The following JAK2 variants were observed in gnomAD, a reference collection of about 807,000 sequenced individuals.
The protein encoded by JAK2 is Janus kinase 2.
Under a neutral mutation model 139.3 loss-of-function variants are expected in JAK2, and 86 were observed. The ratio of observed to expected loss-of-function variants is 0.62; its 90% CI spans 0.52 to 0.74. The LOEUF is 0.74. Ranked by LOEUF, JAK2 falls within the 30% of genes least tolerant of loss-of-function variation. JAK2 has a pLI of 0.00. For synonymous variants in JAK2, 490 were observed against 437.7 expected (o/e 1.12, Z -1.49); for missense variants, 1,421 against 1,360.3 (o/e 1.04, Z -0.70).
intron 3 of JAK2, among the ~76,000 whole-genome samples, chr9:5,022,892 G>A (rs1822523586): frequency 6.6e-6 from 1 of 152,110 alleles, no homozygotes; most frequent in Non-Finnish European, 1.5e-5. Flanking sequence ...GATTTTATTT[G>A]TAGAGGCAAA....
chr9:5,112,786 G>A (rs908579133), intron 22 of JAK2: 27 of 583,164 alleles, frequency 4.6e-5, no homozygotes, highest in Non-Finnish European at 7.3e-5. Context: ...GAGGCCCCCA[G>A]ATGGTGCTTT....
In JAK2 at chr9:5,029,847, A is replaced by G. The variant is rs771864517; in HGVS notation, c.291A>G (p.Pro97=). Residue 97 remains proline (P), a synonymous_variant, in exon 4 of 25, where the codon CCA becomes CCG. Transcript: ENST00000381652. The part of the protein sequence containing the change: ...LMSETERIWY[P]PNHVFHIDES... ...GTGAAACAGAAAGGATCTGGTATCC[A>G]CCCAACCATGTCTTCCATATAGATG... 6.2e-7 allele frequency: 1 copy of G among 1,611,960 alleles called. No individual in the cohort carries two copies. The highest frequency in any genetic ancestry group is 8.5e-7 in the Non-Finnish European group (1 of 1,178,400).
rs780557016 is a variant in JAK2 at position 5,129,003 on chromosome 9, G to T, written c.*2212G>T. On this transcript the variant is annotated 3_prime_UTR_variant, in exon 25 of 25. Transcript: ENST00000381652. ...GTTTGGAAAATAGTCACTTTTTCAC[G>T]CTATTTATATATGCTGCCAGTAACA... Among the ~76,000 whole-genome samples, 4 of 151,790 alleles carry T rather than the reference G, an allele frequency of 2.6e-5. No individual in the cohort carries two copies. The highest frequency in any genetic ancestry group is 4.4e-5 in the Non-Finnish European group (3 of 67,842).
chr9:5,121,011 T>TA (rs1309669849), intron 22 of JAK2, among the ~76,000 whole-genome samples: 2 of 152,060 alleles, frequency 1.3e-5, no homozygotes, highest in Non-Finnish European at 1.5e-5. Flanking sequence ...CTTTAGTATA[T>TA]AGGTGGATGA....
At chr9:5,075,918 G>A (rs1819278439) in intron 14 of JAK2, among the ~76,000 whole-genome samples, 1 of 152,096 alleles carries the variant, frequency 6.6e-6, no homozygotes, top group African/African-American at 2.4e-5. Context: ...GTTCATGGAA[G>A]GAGATCAAAA....
At chr9:5,073,344 A>T (rs1483566544) in intron 13 of JAK2, among the ~76,000 whole-genome samples, 1 of 152,162 alleles carries the variant, frequency 6.6e-6, no homozygotes, top group African/African-American at 2.4e-5. Flanking sequence ...TAAAGGCTAC[A>T]TCCATCTACC....
At chr9:5,015,321 AGGATGCCTG>A (rs1235805069) in intron 2 of JAK2, among the ~76,000 whole-genome samples, 1 of 152,236 alleles carries the variant, frequency 6.6e-6, no homozygotes, top group Non-Finnish European at 1.5e-5. Flanking sequence ...TGGTCTCTAG[AGGATGCCTG>A]GGTATCCTAA....
intron 19 of JAK2, among the ~76,000 whole-genome samples, chr9:5,087,411 G>A (rs1453049668): frequency 6.6e-6 from 1 of 152,176 alleles, no homozygotes; most frequent in African/African-American, 2.4e-5. Flanking sequence ...CCAATGACAT[G>A]TGGGGATTAT....
At chr9:5,006,520 A>C (rs1027394746) in intron 2 of JAK2, among the ~76,000 whole-genome samples, 2 of 152,198 alleles carry the variant, frequency 1.3e-5, no homozygotes, top group African/African-American at 4.8e-5. Context: ...AAGTTGTTTA[A>C]TTGACTCATG....
At chr9:5,063,896 G>T (rs1247966665) in intron 8 of JAK2, among the ~76,000 whole-genome samples, 2 of 152,210 alleles carry the variant, frequency 1.3e-5, no homozygotes, top group Non-Finnish European at 2.9e-5. Context: ...GGTGACTCAC[G>T]CGTGTAATCC....
intron 2 of JAK2, among the ~76,000 whole-genome samples, chr9:4,993,099 A>T (rs997820860): frequency 3.3e-5 from 5 of 151,958 alleles, no homozygotes; most frequent in Non-Finnish European, 1.5e-5. Flanking sequence ...AGCTAATACA[A>T]CTCCTTTAAA....
intron 15 of JAK2, 79 bp from the exon 16 acceptor site, chr9:5,078,227 G>T (rs983060855): frequency 8.3e-6 from 10 of 1,205,324 alleles, no homozygotes; most frequent in Non-Finnish European, 1.0e-5. Flanking sequence ...CTTTAAATCT[G>T]TTTTGGGGGC....
intron 22 of JAK2, chr9:5,097,082 G>A (rs751695971): frequency 2.6e-5 from 4 of 152,096 alleles, no homozygotes; most frequent in Non-Finnish European, 5.9e-5. Context: ...ACACATGCAG[G>A]ATCCTTTGTG....
chr9:5,087,605 G>A (rs936262494), intron 19 of JAK2, among the ~76,000 whole-genome samples: 2 of 152,138 alleles, frequency 1.3e-5, no homozygotes, highest in South Asian at 2.1e-4. Flanking sequence ...CGAATTAAAA[G>A]TGAGACTGAT....
At chr9:5,016,593 T>G (rs1027625466) in intron 2 of JAK2, among the ~76,000 whole-genome samples, 3 of 152,218 alleles carry the variant, frequency 2.0e-5, no homozygotes, top group African/African-American at 7.2e-5. Context: ...AACAGGAAAG[T>G]ATGCTACTCA....
rs139064896 is a variant in JAK2 at position 5,072,506 on chromosome 9, C to A, written c.1656C>A (p.Gly552=). 46 of 1,585,536 alleles carry A rather than the reference C, an allele frequency of 2.9e-5. No homozygotes were observed. The African/African-American group carries it at 3.5e-4, about 12-fold the overall frequency. The change falls in exon 13 of 25, where the codon GGC becomes GGA. Residue 552 remains glycine (G), a synonymous_variant. Coordinates refer to ENST00000381652, the MANE Select transcript of JAK2 (RefSeq NM_004972.4). The part of the protein sequence containing the change: ...NEDLIFNESL[G]QGTFTKIFKG... Reference sequence around the variant, plus strand: ...TTCTCTTGAAGAATGAAAGCCTTGGCCAAGGCACTTTTACAAAGATTTTTA... The same window carrying A: ...TTCTCTTGAAGAATGAAAGCCTTGGACAAGGCACTTTTACAAAGATTTTTA...
chr9:5,032,970 C>G (rs1168160817), intron 4 of JAK2, among the ~76,000 whole-genome samples: 1 of 152,108 alleles, frequency 6.6e-6, no homozygotes, highest in Non-Finnish European at 1.5e-5. Context: ...GAAGTTTGAA[C>G]TCATGGCAAA....
intron 2 of JAK2, among the ~76,000 whole-genome samples, chr9:5,001,984 T>G (rs1820952764): frequency 6.6e-6 from 1 of 152,034 alleles, no homozygotes; most frequent in African/African-American, 2.4e-5. Context: ...TCTTTTTATA[T>G]CCACTTACTG....
rs7872649 is a variant in JAK2 at position 5,050,910 on chromosome 9, C to T, written c.614+79C>T. The T allele has an allele frequency of 0.022, 27,337 of 1,263,030 alleles. 3,047 individuals carry two copies. In the African/African-American group the frequency reaches 0.3, roughly 14 times the overall value. 78.2% of individuals were successfully genotyped at this position (1,263,030 alleles called of 1,614,324 possible). Reference sequence around the variant, plus strand: ...ATTCGTATATATTTTCTGTGTTTACCCATGCCTTTTGATTTTGTAATACTA... The same window carrying T: ...ATTCGTATATATTTTCTGTGTTTACTCATGCCTTTTGATTTTGTAATACTA... On this transcript the variant is annotated intron_variant, in intron 6 of 24. Transcript: ENST00000381652.
Sources: gnomAD v4.1 joint callset for allele counts (sites outside exome capture counted in the v4.1 genomes callset) on GRCh38, gnomAD v4.1.1 for gene constraint, MANE v1.5 for transcripts, NCBI Gene and HGNC (gene_info 2026-07-23, HGNC 2026-07-21) for gene names.